The following ZNF385B variants were observed in gnomAD, a reference collection of about 807,000 sequenced individuals.
ZNF385B encodes zinc finger protein 533.
A neutral mutation model predicts 39.2 loss-of-function variants in ZNF385B; 23 were observed. That is an observed-to-expected ratio of 0.59 (90% CI 0.42 to 0.83). The LOEUF (loss-of-function observed/expected upper bound fraction) is 0.83, where lower values mean the gene tolerates loss of function less well. Ranked by LOEUF, ZNF385B falls within the 40% of genes least tolerant of loss-of-function variation. ZNF385B has a pLI of 0.00. For synonymous variants in ZNF385B, 205 were observed against 222.6 expected, an observed-to-expected ratio of 0.92 and a Z score of 0.70; for missense variants, 552 against 598.9, an observed-to-expected ratio of 0.92 and a Z score of 0.82.
chr2:179,701,284 C>A (rs548370589), intron 3 of ZNF385B, among the ~76,000 whole-genome samples: 1 of 152,126 alleles, frequency 6.6e-6, no homozygotes, highest in African/African-American at 2.4e-5. Flanking sequence ...AAGGATTCCC[C>A]GGAGCTATTT....
chr2:179,859,841 C>G (rs6757268), intron 1 of ZNF385B, among the ~76,000 whole-genome samples: 3 of 152,124 alleles, frequency 2.0e-5, no homozygotes, highest in African/African-American at 7.2e-5. Context: ...ACATACTCAA[C>G]GCACACATGG....
intron 3 of ZNF385B, among the ~76,000 whole-genome samples, chr2:179,767,558 G>A (rs1703776674): frequency 6.6e-6 from 1 of 152,194 alleles, no homozygotes; most frequent in South Asian, 2.1e-4. Flanking sequence ...AGAGTGTTAA[G>A]AGAGTTGCTA....
chr2:179,447,433 C>A (rs1243255215), intron 6 of ZNF385B, among the ~76,000 whole-genome samples: 1 of 152,110 alleles, frequency 6.6e-6, no homozygotes, highest in Non-Finnish European at 1.5e-5. Flanking sequence ...TGAAGATTAG[C>A]CAAGTCATTT....
intron 3 of ZNF385B, among the ~76,000 whole-genome samples, chr2:179,630,220 T>C (rs531418028): frequency 6.6e-6 from 1 of 152,296 alleles, no homozygotes; most frequent in Non-Finnish European, 1.5e-5. Flanking sequence ...CTCAAATGGG[T>C]CCCTGACTCC....
intron 3 of ZNF385B, among the ~76,000 whole-genome samples, chr2:179,670,530 G>T (rs978233397): frequency 6.6e-6 from 1 of 151,958 alleles, no homozygotes; most frequent in Non-Finnish European, 1.5e-5. Context: ...TTGAAAATTT[G>T]TTACTCACTT....
chr2:179,543,677 T>TA (rs1398400066), intron 4 of ZNF385B, among the ~76,000 whole-genome samples: 1 of 152,050 alleles, frequency 6.6e-6, no homozygotes, highest in Non-Finnish European at 1.5e-5. Flanking sequence ...TTTTTTTTTT[T>TA]AACTGTTTGA....
intron 1 of ZNF385B, among the ~76,000 whole-genome samples, chr2:179,795,088 G>C (rs1705574491): frequency 6.6e-6 from 1 of 152,008 alleles, no homozygotes; most frequent in South Asian, 2.1e-4. Flanking sequence ...TTTCTAGAGA[G>C]AAAAAATTTG....
chr2:179,511,579 T>C (rs1221190216), intron 5 of ZNF385B, among the ~76,000 whole-genome samples: 1 of 152,108 alleles, frequency 6.6e-6, no homozygotes, highest in Non-Finnish European at 1.5e-5. Flanking sequence ...CACATGGGAA[T>C]TGAGGGAGGT....
chr2:179,804,203 T>A lies in ZNF385B; in HGVS notation c.-154-33531A>T, dbSNP rs569948305. ...TTGCTGGGCTGAGCTTTCTCACAAATACCACCTTCAGCATTACCAGAAGAT... is the reference window on the plus strand; with the variant it reads ...TTGCTGGGCTGAGCTTTCTCACAAAAACCACCTTCAGCATTACCAGAAGAT... On this transcript the variant is annotated intron_variant, in intron 1 of 9. Transcript: ENST00000410066. Among the ~76,000 whole-genome samples, 6 of 152,320 alleles carry A rather than the reference T, an allele frequency of 3.9e-5. No individual in the cohort carries two copies. In the South Asian group the frequency reaches 1.2e-3, roughly 32 times the overall value.
At chr2:179,807,594 C>T (rs1434242592) in intron 1 of ZNF385B, among the ~76,000 whole-genome samples, 1 of 149,144 alleles carries the variant, frequency 6.7e-6, no homozygotes, top group Non-Finnish European at 1.5e-5. Flanking sequence ...TCCCCCGCCC[C>T]TCAAAAAAGA....
At chr2:179,617,128 G>T (rs966382066) in intron 3 of ZNF385B, among the ~76,000 whole-genome samples, 15 of 152,170 alleles carry the variant, frequency 9.9e-5, no homozygotes, top group Non-Finnish European at 2.2e-4. Context: ...TCTCTTAAAA[G>T]TTCAGCATCA....
At chr2:179,836,513 C>CTTTTTCTT (rs1708255230) in intron 1 of ZNF385B, among the ~76,000 whole-genome samples, 1 of 124,178 alleles carries the variant, frequency 8.1e-6, no homozygotes, top group Non-Finnish European at 1.6e-5. Context: ...CTTGCGTTTT[C>CTTTTTCTT]TTTTTTTTTT....
In ZNF385B at chr2:179,443,265, G is replaced by C; in HGVS notation, c.1446C>G (p.Leu482=). 1 of 1,612,470 alleles carries C rather than the reference G, an allele frequency of 6.2e-7. No homozygotes were observed. The highest frequency in any genetic ancestry group is 8.5e-7 in the Non-Finnish European group (1 of 1,180,028). ...GPIRATPASI[L]FAPY ...TTTGCAGACGTTAGTACGGAGCAAA[G>C]AGGATGGAGGCAGGAGTGGCGCGGA... Residue 482 remains leucine (L), a synonymous_variant, in exon 10 of 10, where the codon CTC becomes CTG. Transcript: ENST00000410066.
intron 1 of ZNF385B, among the ~76,000 whole-genome samples, chr2:179,797,625 A>G (rs937360614): frequency 5.3e-5 from 8 of 152,182 alleles, no homozygotes; most frequent in Admixed American, 5.2e-4. Context: ...AAGAAACCAG[A>G]TTATTGGTAC....
At chr2:179,772,057 T>C (rs1403412741) in intron 1 of ZNF385B, among the ~76,000 whole-genome samples, 3 of 152,194 alleles carry the variant, frequency 2.0e-5, no homozygotes, top group South Asian at 2.1e-4. Flanking sequence ...CGGTATTTCA[T>C]AGACACAAGA....
intron 3 of ZNF385B, among the ~76,000 whole-genome samples, chr2:179,667,915 T>A (rs1695383869): frequency 6.6e-6 from 1 of 152,206 alleles, no homozygotes; most frequent in Admixed American, 6.5e-5. Context: ...GATTCACTGT[T>A]GTATTCTCAA....
chr2:179,449,263 G>A (rs2049828667), intron 6 of ZNF385B, among the ~76,000 whole-genome samples: 1 of 152,046 alleles, frequency 6.6e-6, no homozygotes, highest in Non-Finnish European at 1.5e-5. Context: ...GGAAGAATGA[G>A]ACATTTTTCA....
At chr2:179,740,656 G>A (rs1440818884) in intron 3 of ZNF385B, among the ~76,000 whole-genome samples, 2 of 152,152 alleles carry the variant, frequency 1.3e-5, no homozygotes, top group Non-Finnish European at 2.9e-5. Context: ...AAATAGGACT[G>A]AAGTAAGTAG....
chr2:179,695,605 AC>A (rs550156848), intron 3 of ZNF385B, among the ~76,000 whole-genome samples: 1 of 152,234 alleles, frequency 6.6e-6, no homozygotes, highest in Non-Finnish European at 1.5e-5. Flanking sequence ...AAAATGTTTG[AC>A]CTGGTTAGTC....
Sources: gnomAD v4.1 joint callset for allele counts (sites outside exome capture counted in the v4.1 genomes callset) on GRCh38, gnomAD v4.1.1 for gene constraint, MANE v1.5 for transcripts, NCBI Gene and HGNC (gene_info 2026-07-23, HGNC 2026-07-21) for gene names.